Variants in TMPRSS11A observed in about 807,000 individuals in gnomAD.
TMPRSS11A encodes transmembrane protease serine 11A.
Under a neutral mutation model 58.9 loss-of-function variants are expected in TMPRSS11A, and 53 were observed. The ratio of observed to expected loss-of-function variants is 0.90; its 90% CI spans 0.72 to 1.13. The LOEUF (loss-of-function observed/expected upper bound fraction) is 1.13. Ranked by LOEUF, TMPRSS11A falls within the 50% of genes most tolerant of loss-of-function variation. The pLI is 0.00. For missense variants in TMPRSS11A, 493 were observed against 499.3 expected, an observed-to-expected ratio of 0.99 and a Z score of 0.12; for synonymous variants, 167 against 169.8, an observed-to-expected ratio of 0.98 and a Z score of 0.13.
At chr4:67,916,472 TAC>T (rs34678013) in intron 8 of TMPRSS11A, among the ~76,000 whole-genome samples, 38,685 of 149,978 alleles carry the variant, frequency 0.26, 5,173 homozygotes, top group Admixed American at 0.35. Context: ...ATATATATTA[TAC>T]ACACACACAC....
Position 67,921,286 on chromosome 4 carries a change from C to A in TMPRSS11A, c.692+1469G>T, listed in dbSNP as rs1296699941. On this transcript the variant is annotated intron_variant, in intron 7 of 9. Transcript: ENST00000508048. ...CTTTCTAATATATCAGCTTACTGAGCTCTCACATCTTTCAAACATTAAGAA... is the reference window on the plus strand; with the variant it reads ...CTTTCTAATATATCAGCTTACTGAGATCTCACATCTTTCAAACATTAAGAA... Among the ~76,000 whole-genome samples, 4 of 152,178 alleles carry A rather than the reference C, an allele frequency of 2.6e-5. No homozygotes were observed. The East Asian group carries it at 7.7e-4, about 29-fold the overall frequency.
chr4:67,962,554 C>T (rs985412291), intron 1 of TMPRSS11A, among the ~76,000 whole-genome samples: 1 of 152,076 alleles, frequency 6.6e-6, no homozygotes, highest in South Asian at 2.1e-4. Context: ...TGGGAGTTAA[C>T]GATACTTGTG....
chr4:67,948,407 C>T (rs1014493863), intron 1 of TMPRSS11A, among the ~76,000 whole-genome samples: 12 of 152,122 alleles, frequency 7.9e-5, no homozygotes, highest in African/African-American at 2.9e-4. Flanking sequence ...ATCCACCCAC[C>T]TCGGCCTCCC....
intron 1 of TMPRSS11A, 33 bp from the exon 2 acceptor site, chr4:67,946,604 A>C: frequency 6.3e-7 from 1 of 1,589,910 alleles, no homozygotes; most frequent in Admixed American, 1.8e-5. Context: ...GGTTACTCTC[A>C]GATAGCAATG....
At chr4:67,939,987 C>A (rs1431781549) in intron 3 of TMPRSS11A, among the ~76,000 whole-genome samples, 1 of 152,170 alleles carries the variant, frequency 6.6e-6, no homozygotes, top group East Asian at 1.9e-4. Flanking sequence ...CCATGCCTGG[C>A]TAATTGTATG....
At chr4:67,945,746 A>G (rs1207883771) in intron 2 of TMPRSS11A, among the ~76,000 whole-genome samples, 1 of 152,170 alleles carries the variant, frequency 6.6e-6, no homozygotes, top group African/African-American at 2.4e-5. Context: ...ACATACATCC[A>G]TGTGAGAGTC....
chr4:67,953,241 G>A (rs1577872072), intron 1 of TMPRSS11A, among the ~76,000 whole-genome samples: 1 of 152,166 alleles, frequency 6.6e-6, no homozygotes, highest in Non-Finnish European at 1.5e-5. Flanking sequence ...TCTGCAGCCC[G>A]GGACTTGGGG....
At chr4:67,951,660 A>G (rs951435104) in intron 1 of TMPRSS11A, among the ~76,000 whole-genome samples, 7 of 152,128 alleles carry the variant, frequency 4.6e-5, no homozygotes, top group African/African-American at 1.4e-4. Context: ...ACTATTACAC[A>G]AATGCCAATT....
At chr4:67,953,530 G>A (rs1382934935) in intron 1 of TMPRSS11A, among the ~76,000 whole-genome samples, 1 of 152,166 alleles carries the variant, frequency 6.6e-6, no homozygotes, top group Non-Finnish European at 1.5e-5. Flanking sequence ...CAGGTGTGGT[G>A]GCTCACGCCT....
intron 3 of TMPRSS11A, among the ~76,000 whole-genome samples, chr4:67,940,339 T>C (rs959177226): frequency 1.3e-5 from 2 of 152,172 alleles, no homozygotes; most frequent in African/African-American, 4.8e-5. Context: ...TGGTAGAATT[T>C]GGCTGTGAAT....
intron 4 of TMPRSS11A, among the ~76,000 whole-genome samples, chr4:67,930,327 C>A: frequency 6.6e-6 from 1 of 152,150 alleles, no homozygotes; most frequent in Non-Finnish European, 1.5e-5. Context: ...TTAGAAGAAG[C>A]CTTCATGTTT....
intron 3 of TMPRSS11A, 21 bp downstream of exon 3, chr4:67,944,498 A>G: frequency 3.1e-6 from 5 of 1,599,742 alleles, no homozygotes; most frequent in Non-Finnish European, 4.3e-6. Context: ...TCTATGATAA[A>G]AAGAAGTTTA....
intron 3 of TMPRSS11A, among the ~76,000 whole-genome samples, chr4:67,941,403 C>T (rs1314818334): frequency 6.6e-6 from 1 of 152,130 alleles, no homozygotes; most frequent in Non-Finnish European, 1.5e-5. Context: ...AATATAAAGC[C>T]TTTTCTGACC....
intron 1 of TMPRSS11A, among the ~76,000 whole-genome samples, chr4:67,959,936 A>T (rs1222616181): frequency 6.6e-6 from 1 of 152,212 alleles, no homozygotes; most frequent in Non-Finnish European, 1.5e-5. Flanking sequence ...TCAATAGTGG[A>T]TTTCAGTTTT....
chr4:67,961,511 TTTTTTTTTTTTTTTTTTTG>T (rs1721427133), intron 1 of TMPRSS11A, among the ~76,000 whole-genome samples: 4 of 72,382 alleles, frequency 5.5e-5, no homozygotes, highest in South Asian at 4.9e-4. Context: ...TTTTTTTTTT[TTTTTTTTTTTTTTTTTTTG>T]AGACAGAGTC....
At chr4:67,930,720 G>A (rs567647411) in intron 4 of TMPRSS11A, among the ~76,000 whole-genome samples, 5 of 138,846 alleles carry the variant, frequency 3.6e-5, no homozygotes, top group South Asian at 2.3e-4. Context: ...TTTAAATACT[G>A]TTAAAATAGG....
chr4:67,919,042 C>G lies in TMPRSS11A; in HGVS notation c.883G>C (p.Glu295Gln), dbSNP rs373830616. Residue 295 changes from glutamate to glutamine, a missense_variant, in exon 8 of 10, where the codon GAA becomes CAA. Coordinates refer to ENST00000508048, the MANE Select transcript of TMPRSS11A (RefSeq NM_001114387.2). ...SDDIRQICLP[E>Q]ASASFQPNLT... ...TTTGGTTGGAAGGATGCAGAGGCTT[C>G]TGGCAAACAAATCTGGCGTATGTCA... 3 of 1,614,180 alleles carry G rather than the reference C, an allele frequency of 1.9e-6. No individual in the cohort carries two copies. The East Asian group carries it at 6.7e-5, about 36-fold the overall frequency.
At chr4:67,923,952 A>G (rs1246638291) in intron 6 of TMPRSS11A, among the ~76,000 whole-genome samples, 176 bp downstream of exon 6, 2 of 151,964 alleles carry the variant, frequency 1.3e-5, no homozygotes, top group Middle Eastern at 3.2e-3. Flanking sequence ...TTTCTTGAAC[A>G]TGACTAAAAG....
At chr4:67,925,017 C>T (rs1720430063) in intron 5 of TMPRSS11A, among the ~76,000 whole-genome samples, 4 of 149,402 alleles carry the variant, frequency 2.7e-5, no homozygotes, top group Admixed American at 2.0e-4. Flanking sequence ...ATGAAAAAAC[C>T]TTGAAAACTC....
Sources: gnomAD v4.1 joint callset for allele counts (sites outside exome capture counted in the v4.1 genomes callset) on GRCh38, gnomAD v4.1.1 for gene constraint, MANE v1.5 for transcripts, NCBI Gene and HGNC (gene_info 2026-07-23, HGNC 2026-07-21) for gene names.